YAP1: variants seen among roughly 807,000 people sequenced by gnomAD.
YAP1 encodes the protein Yes1 associated transcriptional regulator.
Under a neutral mutation model 56.9 loss-of-function variants are expected in YAP1, and 5 were observed. That is an observed-to-expected ratio of 0.09 (90% CI 0.05 to 0.18). The LOEUF is 0.18. Ranked by LOEUF, YAP1 falls within the 10% of genes least tolerant of loss-of-function variation. The probability of loss-of-function intolerance (pLI) is 1.00; values close to 1 mark genes in which losing one functional copy is unlikely to be tolerated. For missense variants in YAP1, 539 were observed against 651.8 expected (o/e 0.83, Z 1.88); for synonymous variants, 265 against 248.1 (o/e 1.07, Z -0.64).
At chr11:102,176,242 C>G (rs1458680657) in intron 3 of YAP1, among the ~76,000 whole-genome samples, 1 of 152,142 alleles carries the variant, frequency 6.6e-6, no homozygotes, top group Non-Finnish European at 1.5e-5. Flanking sequence ...AAATGGAGAA[C>G]TTTTTCCCTA....
intron 6 of YAP1, among the ~76,000 whole-genome samples, chr11:102,217,320 C>G (rs767618208): frequency 6.6e-6 from 1 of 152,066 alleles, no homozygotes; most frequent in Non-Finnish European, 1.5e-5. Flanking sequence ...TAAAAGTAGT[C>G]AGAAGTCTGG....
Position 102,230,548 on chromosome 11 carries a change from T to TTTA in YAP1, c.*609_*610insTAT, listed in dbSNP as rs1211028229. On this transcript the variant is annotated 3_prime_UTR_variant, in exon 9 of 9. Transcript: ENST00000282441. Reference sequence around the variant, plus strand: ...ATGACCTTGATTTTATTTTAGGAGCTTATAAGGCATGAGACAATTTCCATA... The same window carrying TTTA: ...ATGACCTTGATTTTATTTTAGGAGCTTTATATAAGGCATGAGACAATTTCCATA... 6.5e-6 allele frequency: 1 copy of TTTA among 152,706 alleles called. No homozygotes were observed. Among genetic ancestry groups the TTTA allele is most frequent in the African/African-American group, 2.4e-5 (1 of 41,462 alleles). The allele number at this position is 152,706 out of a possible 1,614,324, so 9.5% of individuals were successfully genotyped here.
intron 4 of YAP1, among the ~76,000 whole-genome samples, chr11:102,189,060 G>T (rs1948139185): frequency 6.6e-6 from 1 of 151,854 alleles, no homozygotes; most frequent in Admixed American, 6.6e-5. Context: ...AGAAAAATAG[G>T]GCTTTTTTTG....
chr11:102,207,550 T>A (rs1451718713), intron 5 of YAP1, among the ~76,000 whole-genome samples: 1 of 152,066 alleles, frequency 6.6e-6, no homozygotes, highest in Non-Finnish European at 1.5e-5. Context: ...AGCTCTACAT[T>A]TCTGTTACCA....
rs115521672 is a variant in YAP1, at chr11:102,187,201, T to C, written c.802+1070T>C. Among the ~76,000 whole-genome samples, 582 of 152,322 alleles carry C rather than the reference T, an allele frequency of 3.8e-3. 2 individuals are homozygous for C. Among genetic ancestry groups the C allele is most frequent in the African/African-American group, 0.013 (560 of 41,548 alleles). The stretch of plus-strand genomic sequence containing the variant: ...TCGGGAATATTATGAGCAGTTATTT[T>C]GTGTCTTATATATACCTTTAAAAAA... On this transcript the variant is annotated intron_variant, in intron 4 of 8. Transcript: ENST00000282441.
intron 3 of YAP1, among the ~76,000 whole-genome samples, chr11:102,185,214 C>G (rs1456367741): frequency 6.6e-6 from 1 of 152,112 alleles, no homozygotes; most frequent in Non-Finnish European, 1.5e-5. Context: ...GTTATTTATT[C>G]TGGGCCTCTC....
At chr11:102,115,813 A>T (rs1276468903) in intron 2 of YAP1, among the ~76,000 whole-genome samples, 2 of 152,148 alleles carry the variant, frequency 1.3e-5, no homozygotes, top group Non-Finnish European at 2.9e-5. Flanking sequence ...AGGGGAAGGG[A>T]GTGGAAACAA....
chr11:102,169,513 A>G (rs1324801024), intron 3 of YAP1, among the ~76,000 whole-genome samples: 1 of 152,234 alleles, frequency 6.6e-6, no homozygotes, highest in Non-Finnish European at 1.5e-5. Context: ...ACTAACGGGA[A>G]ACCTAATAGC....
intron 6 of YAP1, among the ~76,000 whole-genome samples, chr11:102,210,000 G>T (rs1172001599): frequency 1.3e-5 from 2 of 152,184 alleles, no homozygotes; most frequent in Non-Finnish European, 2.9e-5. Context: ...ATGAGGAAGA[G>T]AAAAATTCTT....
rs2135613727 is a variant in YAP1, at chr11:102,209,039, A to G, written c.985-478A>G. 1.3e-5 allele frequency among the ~76,000 whole-genome samples: 2 copies of G among 152,206 alleles called. 1 individual carries two copies. Among genetic ancestry groups the G allele is most frequent in the South Asian group, 4.1e-4 (2 of 4,826 alleles). ...CTTCTTTGTTTCATCTTTACTGCCT[A>G]CTGTGTCGTCTTTTCTTATGTTGAA... On this transcript the variant is annotated intron_variant, in intron 5 of 8. Transcript: ENST00000282441.
At chr11:102,140,572 T>G (rs935566934) in intron 2 of YAP1, among the ~76,000 whole-genome samples, 7 of 152,138 alleles carry the variant, frequency 4.6e-5, no homozygotes, top group South Asian at 2.1e-4. Flanking sequence ...AGGCCTGGCG[T>G]GGTGGCTCAC....
intron 2 of YAP1, among the ~76,000 whole-genome samples, chr11:102,128,654 G>A (rs999269065): frequency 1.3e-5 from 2 of 152,136 alleles, no homozygotes; most frequent in African/African-American, 2.4e-5. Context: ...CTTTTTGCAT[G>A]TTAGATTTTC....
chr11:102,179,320 G>A (rs555313644), intron 3 of YAP1, among the ~76,000 whole-genome samples: 6 of 152,126 alleles, frequency 3.9e-5, no homozygotes, highest in Admixed American at 2.0e-4. Flanking sequence ...CAGCTTTCGA[G>A]TGTGTAAAAG....
chr11:102,124,732 T>C (rs537929295), intron 2 of YAP1, among the ~76,000 whole-genome samples: 1 of 152,236 alleles, frequency 6.6e-6, no homozygotes, highest in South Asian at 2.1e-4. Context: ...TTGTTTTCTT[T>C]TGTTTCTGAG....
chr11:102,166,037 A>G (rs1485002147), intron 3 of YAP1, among the ~76,000 whole-genome samples: 3 of 152,228 alleles, frequency 2.0e-5, no homozygotes, highest in Non-Finnish European at 2.9e-5. Flanking sequence ...ACGGTCAGAC[A>G]GTATGATGGG....
chr11:102,198,697 A>G (rs1037621233), intron 4 of YAP1, among the ~76,000 whole-genome samples: 2 of 152,158 alleles, frequency 1.3e-5, no homozygotes, highest in African/African-American at 4.8e-5. Flanking sequence ...TTGGGCCTCA[A>G]TTTACGACAT....
intron 3 of YAP1, among the ~76,000 whole-genome samples, chr11:102,165,180 G>A (rs189963556): frequency 0.011 from 1,599 of 150,646 alleles, 13 homozygotes; most frequent in Middle Eastern, 0.031. Flanking sequence ...GAAACATGGT[G>A]AAACCTTGTC....
At chr11:102,187,997 A>T (rs938526781) in intron 4 of YAP1, among the ~76,000 whole-genome samples, 2 of 151,984 alleles carry the variant, frequency 1.3e-5, no homozygotes, top group Non-Finnish European at 2.9e-5. Context: ...AGACCTTTTC[A>T]CTCAGAGAGC....
At chr11:102,182,546 A>C (rs897366566) in intron 3 of YAP1, among the ~76,000 whole-genome samples, 9 of 152,218 alleles carry the variant, frequency 5.9e-5, no homozygotes, top group African/African-American at 1.9e-4. Flanking sequence ...GGAATCCTGC[A>C]TTGAGAATCA....
Sources: allele counts gnomAD v4.1 joint callset (sites outside exome capture counted in the v4.1 genomes callset), GRCh38; gene constraint gnomAD v4.1.1; transcripts MANE v1.5; gene names NCBI Gene and HGNC (gene_info 2026-07-23, HGNC 2026-07-21).